FHIT: variants seen among roughly 807,000 people sequenced by gnomAD.
The protein encoded by FHIT is fragile histidine triad diadenosine triphosphatase.
A neutral mutation model predicts 17.9 loss-of-function variants in FHIT; 19 were observed. That is an observed-to-expected ratio of 1.06 (90% confidence interval 0.74 to 1.56). The LOEUF (loss-of-function observed/expected upper bound fraction) is 1.56, where lower values mean the gene tolerates loss of function less well. FHIT is among the 40% of genes most tolerant of loss of function. The probability of loss-of-function intolerance (pLI) is 0.00; values close to 1 mark genes in which losing one functional copy is unlikely to be tolerated. For synonymous variants in FHIT, 81 were observed against 69.7 expected, an observed-to-expected ratio of 1.16 and a Z score of -0.81; for missense variants, 248 against 189.2, an observed-to-expected ratio of 1.31 and a Z score of -1.82.
At chr3:59,947,626 TG>T (rs1456158107) in intron 7 of FHIT, among the ~76,000 whole-genome samples, 1 of 152,156 alleles carries the variant, frequency 6.6e-6, no homozygotes, top group Non-Finnish European at 1.5e-5. Context: ...TCAGCACTCC[TG>T]GGGGAGTATG....
chr3:60,359,981 CTTT>C (rs368086333), intron 5 of FHIT, among the ~76,000 whole-genome samples: 2,596 of 132,940 alleles, frequency 0.02, 42 homozygotes, highest in African/African-American at 0.049. Context: ...ACATTCAAGA[CTTT>C]TTTTTTTTTT....
At chr3:60,880,657 A>G (rs1839065) in intron 3 of FHIT, among the ~76,000 whole-genome samples, 36,403 of 152,122 alleles carry the variant, frequency 0.24, 4,867 homozygotes, top group African/African-American at 0.34. Context: ...ACTTGTACCC[A>G]GGAGGTGGAG....
At chr3:60,309,950 G>T (rs771660842) in intron 5 of FHIT, among the ~76,000 whole-genome samples, 1 of 151,866 alleles carries the variant, frequency 6.6e-6, no homozygotes, top group Non-Finnish European at 1.5e-5. Context: ...CTTCACATTC[G>T]AGTGTCTCAT....
chr3:60,553,300 G>A (rs2036620387), intron 4 of FHIT: 2 of 462,602 alleles, frequency 4.3e-6, no homozygotes, highest in African/African-American at 4.3e-5. Flanking sequence ...ACATTGTTTT[G>A]GTTAAAGTTG....
At chr3:60,112,148 A>G (rs567408636) in intron 5 of FHIT, among the ~76,000 whole-genome samples, 1 of 152,314 alleles carries the variant, frequency 6.6e-6, no homozygotes, top group South Asian at 2.1e-4. Context: ...CCCATTCTAG[A>G]TATTTTAAGC....
At chr3:60,109,137 G>A (rs1448488892) in intron 5 of FHIT, among the ~76,000 whole-genome samples, 2 of 133,956 alleles carry the variant, frequency 1.5e-5, no homozygotes, top group African/African-American at 5.1e-5. Context: ...CGGGGGTAGG[G>A]GCAGGGAGAG....
At chr3:60,183,712 T>C (rs1460389326) in intron 5 of FHIT, among the ~76,000 whole-genome samples, 1 of 152,124 alleles carries the variant, frequency 6.6e-6, no homozygotes, top group Non-Finnish European at 1.5e-5. Context: ...AGAATCCCTT[T>C]AAAACCAAGA....
chr3:60,442,845 T>C (rs1375657523), intron 5 of FHIT, among the ~76,000 whole-genome samples: 1 of 152,110 alleles, frequency 6.6e-6, no homozygotes, highest in African/African-American at 2.4e-5. Flanking sequence ...TGGCATTGAA[T>C]CTGTAAATTA....
At chr3:60,436,846 T>A (rs965322429) in intron 5 of FHIT, among the ~76,000 whole-genome samples, 6 of 152,140 alleles carry the variant, frequency 3.9e-5, no homozygotes, top group Admixed American at 2.6e-4. Flanking sequence ...AAATGAATCA[T>A]CATTAGAAAA....
chr3:60,727,804 C>T (rs1312209063), intron 4 of FHIT, among the ~76,000 whole-genome samples: 1 of 152,126 alleles, frequency 6.6e-6, no homozygotes, highest in Non-Finnish European at 1.5e-5. Flanking sequence ...GAGATAGAGA[C>T]CATCCTGGCT....
intron 4 of FHIT, among the ~76,000 whole-genome samples, chr3:60,803,659 C>T (rs782022215): frequency 6.6e-6 from 1 of 152,156 alleles, no homozygotes; most frequent in Non-Finnish European, 1.5e-5. Flanking sequence ...GCGGGGATAT[C>T]ATGGCACTTC....
chr3:60,954,091 T>C (rs13070093), intron 3 of FHIT, among the ~76,000 whole-genome samples: 30,427 of 152,144 alleles, frequency 0.2, 3,509 homozygotes, highest in Middle Eastern at 0.33. Flanking sequence ...ACTGCCATCC[T>C]GGTAACCCAG....
At chr3:60,515,871 A>G (rs2035134936) in intron 5 of FHIT, among the ~76,000 whole-genome samples, 3 of 152,232 alleles carry the variant, frequency 2.0e-5, no homozygotes, top group East Asian at 1.9e-4. Context: ...CTTGTAAGAC[A>G]ACTGAGCTTG....
At chr3:60,629,635 C>T (rs555765291) in intron 4 of FHIT, among the ~76,000 whole-genome samples, 40 of 152,350 alleles carry the variant, frequency 2.6e-4, no homozygotes, top group Non-Finnish European at 5.3e-4. Flanking sequence ...GATTTTCCAA[C>T]TCTATCTTTC....
chr3:60,298,015 T>G (rs76414916), intron 5 of FHIT, among the ~76,000 whole-genome samples: 1,849 of 152,120 alleles, frequency 0.012, 38 homozygotes, highest in African/African-American at 0.041. Flanking sequence ...ATGCTTTACT[T>G]ATGCAGATAT....
chr3:60,031,763 C>T (rs1234437196), intron 5 of FHIT, among the ~76,000 whole-genome samples: 1 of 151,916 alleles, frequency 6.6e-6, no homozygotes. Context: ...CCTGGGGGTC[C>T]CACAGAGGCT....
chr3:60,449,281 G>C (rs989116560), intron 5 of FHIT, among the ~76,000 whole-genome samples: 5 of 152,134 alleles, frequency 3.3e-5, no homozygotes, highest in African/African-American at 1.2e-4. Context: ...CTAGCCTTTT[G>C]TGCCGAAAAG....
intron 7 of FHIT, among the ~76,000 whole-genome samples, chr3:60,000,345 G>A (rs906252417): frequency 6.6e-6 from 1 of 152,178 alleles, no homozygotes; most frequent in Non-Finnish European, 1.5e-5. Flanking sequence ...TACAAATAAA[G>A]TTTTATTGGA....
intron 4 of FHIT, among the ~76,000 whole-genome samples, chr3:60,692,599 A>G (rs1183012348): frequency 6.6e-6 from 1 of 152,200 alleles, no homozygotes; most frequent in Non-Finnish European, 1.5e-5. Context: ...AGGAAGGACA[A>G]GGAAACACAT....
Sources: allele counts gnomAD v4.1 joint callset (sites outside exome capture counted in the v4.1 genomes callset), GRCh38; gene constraint gnomAD v4.1.1; transcripts MANE v1.5; gene names NCBI Gene and HGNC (gene_info 2026-07-23, HGNC 2026-07-21).